Variants in RHCG observed in about 807,000 individuals in gnomAD.
The protein encoded by RHCG is ammonium transporter Rh type C.
RHCG carries 39 observed loss-of-function variants against 55.3 expected under a neutral mutation model. That is an observed-to-expected ratio of 0.70 (90% CI 0.55 to 0.92). RHCG has a LOEUF of 0.92. Ranked by LOEUF, RHCG falls within the 40% of genes least tolerant of loss-of-function variation. The pLI, the probability that RHCG is intolerant of heterozygous loss-of-function variation, is 0.00. For missense variants in RHCG, 635 were observed against 627.9 expected (o/e 1.01, Z -0.12); for synonymous variants, 250 against 246.8 (o/e 1.01, Z -0.12).
intron 1 of RHCG, among the ~76,000 whole-genome samples, chr15:89,492,396 G>C (rs564503637): frequency 1.2e-4 from 19 of 152,238 alleles, no homozygotes; most frequent in African/African-American, 4.6e-4. Context: ...CCCTCCAGGG[G>C]CTGGGTGCTG....
chr15:89,477,459 G>T lies in RHCG; in HGVS notation c.1112+58C>A. The T allele has an allele frequency of 6.3e-7, 1 of 1,599,316 alleles. No individual in the cohort carries two copies. The highest frequency in any genetic ancestry group is 1.3e-5 in the African/African-American group (1 of 74,822). ...TCGGGTCCCAGAGGAATAGCAGGAAGAAGGGATGGGAGAAGGAAGGGGGAA... is the reference window on the plus strand; with the variant it reads ...TCGGGTCCCAGAGGAATAGCAGGAATAAGGGATGGGAGAAGGAAGGGGGAA... On this transcript the variant is annotated intron_variant, in intron 7 of 10. Coordinates refer to ENST00000268122, the MANE Select transcript of RHCG (RefSeq NM_016321.3). This position sits in a 1 kb window ranked among gnomAD's most constrained non-coding sequence, Gnocchi z 4.5.
chr15:89,478,016 C>T (rs1452809911), intron 5 of RHCG, 42 bp from the exon 6 acceptor site: 5 of 1,564,904 alleles, frequency 3.2e-6, no homozygotes, highest in Middle Eastern at 1.8e-4. Flanking sequence ...CAGTCCTCTC[C>T]CTGGAGCACC....
In RHCG at chr15:89,477,088, T is replaced by G. The variant is rs777200371; in HGVS notation, c.1231A>C (p.Ile411Leu). ...TLAMALMGGI[I>L]VGLILRLPFW... ...CTCAGCCATTCCTGCTCACCCACAA[T>G]GATGCCACCCATCAGGGCCATGGCC... Residue 411 changes from isoleucine (I) to leucine (L), a missense_variant, in exon 8 of 11, where the codon ATT becomes CTT. Ile to Leu is a conservative substitution (Grantham distance 5). Transcript: ENST00000268122. This position sits in a 1 kb window ranked among gnomAD's most constrained non-coding sequence, Gnocchi z 4.5. The G allele has an allele frequency of 1.5e-5, 25 of 1,613,940 alleles. No homozygotes were observed. The highest frequency in any genetic ancestry group is 2.1e-5 in the Non-Finnish European group (25 of 1,179,974).
intron 1 of RHCG, among the ~76,000 whole-genome samples, chr15:89,493,989 G>T (rs1961521593): frequency 6.6e-6 from 1 of 152,074 alleles, no homozygotes; most frequent in Non-Finnish European, 1.5e-5. Flanking sequence ...CTCCTCTGTT[G>T]CTTCCTGCTC....
intron 5 of RHCG, among the ~76,000 whole-genome samples, chr15:89,478,886 T>C (rs922991402): frequency 1.3e-5 from 2 of 152,102 alleles, no homozygotes; most frequent in Admixed American, 1.3e-4. Flanking sequence ...AGGTCAGGAA[T>C]TTGAGACCAG....
intron 5 of RHCG, among the ~76,000 whole-genome samples, chr15:89,478,199 T>A (rs1205224535): frequency 1.3e-5 from 2 of 152,214 alleles, no homozygotes; most frequent in Admixed American, 6.5e-5. Flanking sequence ...CCATCCCGCC[T>A]AGTAGGTCTG....
chr15:89,477,976 T>C lies in RHCG; in HGVS notation c.838-2A>G. ...GAGCGTGGCATTCTGGATGTGCACC[T>C]GGGCAGGGCAGGCAGAGCAGGCAGG... On this transcript the variant is annotated splice_acceptor_variant, in intron 5 of 10. Coordinates refer to ENST00000268122, the MANE Select transcript of RHCG (RefSeq NM_016321.3). LOFTEE classifies it high-confidence loss of function. The surrounding 1 kb of genome is among the most constrained non-coding windows in gnomAD (Gnocchi z 4.5). The C allele has an allele frequency of 6.2e-7, 1 of 1,603,652 alleles. No homozygotes were observed. Among genetic ancestry groups the C allele is most frequent in the Non-Finnish European group, 8.5e-7 (1 of 1,173,108 alleles).
At position 89,489,590 on chromosome 15, in the gene RHCG, C is replaced by G. The variant is rs28740953; in HGVS notation, c.185-2605G>C. Among the ~76,000 whole-genome samples, 1,503 of 152,324 alleles carry G rather than the reference C, an allele frequency of 9.9e-3. 25 individuals are homozygous for G. Among genetic ancestry groups the G allele is most frequent in the African/African-American group, 0.034 (1,400 of 41,570 alleles). Reference sequence around the variant, plus strand: ...GATTCCTACTCCCTCACCCACCTGCCTCCCAGGGGATCTCTACCTCCCCAC... The same window carrying G: ...GATTCCTACTCCCTCACCCACCTGCGTCCCAGGGGATCTCTACCTCCCCAC... On this transcript the variant is annotated intron_variant, in intron 1 of 10. Coordinates refer to ENST00000268122, the MANE Select transcript of RHCG (RefSeq NM_016321.3).
chr15:89,487,045 G>A, intron 1 of RHCG, 60 bp from the exon 2 acceptor site: 1 of 1,452,784 alleles, frequency 6.9e-7, no homozygotes, highest in Non-Finnish European at 9.2e-7. Flanking sequence ...CCAGCCCTGG[G>A]TCTGGGCCAG....
rs1567225191 is a variant in RHCG, at chr15:89,477,958, G to C, written c.854C>G (p.Ala285Gly). ...GKLDMVHIQNATLAGGVAVGT... is the reference protein window; with the variant it reads ...GKLDMVHIQNGTLAGGVAVGT... ...CACGGCCACCCCTCCTGCGAGCGTG[G>C]CATTCTGGATGTGCACCTGGGCAGG... The change falls in exon 6 of 11, where the codon GCC becomes GGC. Residue 285 changes from alanine (A) to glycine (G), a missense_variant. Transcript: ENST00000268122. This position sits in a 1 kb window ranked among gnomAD's most constrained non-coding sequence, Gnocchi z 4.5. 6.2e-7 allele frequency: 1 copy of C among 1,608,692 alleles called. No individual in the cohort carries two copies. Among genetic ancestry groups the C allele is most frequent in the South Asian group, 1.1e-5 (1 of 90,570 alleles).
chr15:89,491,809 G>A (rs897546989), intron 1 of RHCG, among the ~76,000 whole-genome samples: 4 of 151,860 alleles, frequency 2.6e-5, no homozygotes, highest in Admixed American at 2.0e-4. Flanking sequence ...TAATAGTGAC[G>A]ATTTGAGGGT....
chr15:89,475,364 T>A (rs1460550179), intron 9 of RHCG, among the ~76,000 whole-genome samples: 1 of 152,168 alleles, frequency 6.6e-6, no homozygotes, highest in Non-Finnish European at 1.5e-5. Context: ...TGCCTCAACC[T>A]CCTGAGTAGC....
intron 9 of RHCG, among the ~76,000 whole-genome samples, chr15:89,476,031 C>G (rs1205976032): frequency 2.6e-5 from 4 of 151,222 alleles, no homozygotes; most frequent in African/African-American, 9.8e-5. Context: ...CTCTCTCTCT[C>G]ATTCTCTTCT....
intron 1 of RHCG, among the ~76,000 whole-genome samples, chr15:89,489,852 C>T (rs952896011): frequency 3.9e-5 from 6 of 152,176 alleles, no homozygotes; most frequent in Non-Finnish European, 8.8e-5. Context: ...CTTATGGCAC[C>T]CTTTTTTCTT....
Position 89,483,074 on chromosome 15 carries a change from A to C in RHCG, c.515T>G (p.Leu172Arg). 1 of 1,582,092 alleles carries C rather than the reference A, an allele frequency of 6.3e-7. No individual in the cohort carries two copies. The highest frequency in any genetic ancestry group is 8.7e-7 in the Non-Finnish European group (1 of 1,154,464). Residue 172 changes from leucine to arginine, a missense_variant, in exon 3 of 11, where the codon CTG becomes CGG. Coordinates refer to ENST00000268122, the MANE Select transcript of RHCG (RefSeq NM_016321.3). ...ATTCTGAGCCCTGCTCACCTTTAGC[A>C]GGTTAAGGAGAATGAACTCATTCAC... ...FAVNEFILLNLLKVKDAGGSM... is the reference protein window; with the variant it reads ...FAVNEFILLNRLKVKDAGGSM...
intron 2 of RHCG, among the ~76,000 whole-genome samples, chr15:89,484,846 G>T (rs1961330572): frequency 6.6e-6 from 1 of 151,934 alleles, no homozygotes; most frequent in African/African-American, 2.4e-5. Flanking sequence ...ATCAGCATTT[G>T]GGAGATGGAG....
At chr15:89,490,540 T>C (rs1241209504) in intron 1 of RHCG, among the ~76,000 whole-genome samples, 1 of 152,202 alleles carries the variant, frequency 6.6e-6, no homozygotes, top group Non-Finnish European at 1.5e-5. Flanking sequence ...TGAGCTGATG[T>C]ATGTGAAGCA....
intron 1 of RHCG, among the ~76,000 whole-genome samples, chr15:89,487,695 G>C (rs1194906392): frequency 6.6e-6 from 1 of 152,164 alleles, no homozygotes; most frequent in East Asian, 1.9e-4. Flanking sequence ...TTTTAACTCG[G>C]GGCTTGGCAC....
rs1033774026 is a variant in RHCG, at chr15:89,485,881, T to C, written c.371+918A>G. ...CATAAGTTGCCATGGGATAGAGAGT[T>C]TGATAAATGAGTCATTCAGTGAGCT... is the stretch of plus-strand genomic sequence containing the variant. On this transcript the variant is annotated intron_variant, in intron 2 of 10. Transcript: ENST00000268122. 1.4e-4 allele frequency among the ~76,000 whole-genome samples: 22 copies of C among 152,206 alleles called. 1 individual carries two copies. The highest frequency in any genetic ancestry group is 5.3e-4 in the African/African-American group (22 of 41,456).
Sources: allele counts gnomAD v4.1 joint callset (sites outside exome capture counted in the v4.1 genomes callset), GRCh38; gene constraint gnomAD v4.1.1; non-coding constraint Gnocchi (gnomAD v3.1); transcripts MANE v1.5; gene names NCBI Gene and HGNC (gene_info 2026-07-23, HGNC 2026-07-21).